REPS2: variants seen among roughly 807,000 people sequenced by gnomAD.
REPS2 encodes ralBP1-associated Eps domain-containing protein 2.
In REPS2, 23 loss-of-function variants were observed where a neutral mutation model predicts 53.6. That is an observed-to-expected ratio of 0.43 (90% confidence interval 0.31 to 0.61). The LOEUF is 0.61. Ranked by LOEUF, REPS2 falls within the 20% of genes least tolerant of loss-of-function variation. The pLI is 0.11. For synonymous variants in REPS2, 238 were observed against 218.6 expected (o/e 1.09, Z -0.78); for missense variants, 446 against 534.9 (o/e 0.83, Z 1.64).
chrX:17,171,066 C>T, the REPS2 span, among the ~76,000 whole-genome samples: 1 of 113,145 alleles, frequency 8.8e-6, no homozygotes, highest in East Asian at 2.8e-4. Context: ...AGACGCCCTG[C>T]TTACAGGTCC....
chrX:17,101,264 G>A (rs989391488), intron 13 of REPS2, among the ~76,000 whole-genome samples: 6 of 109,084 alleles, frequency 5.5e-5, no homozygotes, highest in Non-Finnish European at 1.1e-4. Context: ...GGGTTTCACT[G>A]TGTTAGCCAG....
chrX:17,018,409 G>C (rs915451599), intron 2 of REPS2, among the ~76,000 whole-genome samples: 2 of 109,467 alleles, frequency 1.8e-5, no homozygotes, highest in Non-Finnish European at 3.8e-5. Flanking sequence ...GGCTAGTCTT[G>C]AACTCCTGGC....
chrX:16,988,690 C>T (rs2061123037), intron 1 of REPS2, among the ~76,000 whole-genome samples: 1 of 110,183 alleles, frequency 9.1e-6, no homozygotes, highest in Non-Finnish European at 1.9e-5. Context: ...AACAAATGGA[C>T]ACTGAAATTA....
intron 14 of REPS2, among the ~76,000 whole-genome samples, chrX:17,121,717 C>CT (rs1245051273): frequency 1.4e-3 from 145 of 106,183 alleles, no homozygotes; most frequent in African/African-American, 3.6e-3. Context: ...ATTTTTAAAA[C>CT]TTTTTTTTTT....
At chrX:17,050,194 C>A (rs866368532) in intron 6 of REPS2, among the ~76,000 whole-genome samples, 1 of 51,796 alleles carries the variant, frequency 1.9e-5, no homozygotes, top group South Asian at 1.1e-3. Flanking sequence ...TTCTTTCTTT[C>A]TTTTTTTTTT....
chrX:17,011,054 A>T (rs2061422374), intron 2 of REPS2, among the ~76,000 whole-genome samples: 1 of 71,709 alleles, frequency 1.4e-5, no homozygotes, highest in Admixed American at 1.8e-4. Context: ...AGCTTTGCTT[A>T]AACTGTGTGT....
intron 1 of REPS2, among the ~76,000 whole-genome samples, chrX:16,952,149 A>T (rs1223029700): frequency 2.7e-5 from 3 of 111,331 alleles, no homozygotes. Context: ...ATAGGTATAT[A>T]TATGTGCCAT....
At chrX:17,089,105 A>G (rs925948946) in intron 13 of REPS2, among the ~76,000 whole-genome samples, 5 of 111,607 alleles carry the variant, frequency 4.5e-5, no homozygotes, top group Non-Finnish European at 9.4e-5. Context: ...GTTTCCTTCT[A>G]TGTGATTTAA....
At chrX:17,019,497 G>A (rs1448751918) in intron 2 of REPS2, among the ~76,000 whole-genome samples, 1 of 111,545 alleles carries the variant, frequency 9.0e-6, no homozygotes, top group Non-Finnish European at 1.9e-5. Flanking sequence ...TTTTTTCAAA[G>A]TTTCACTATT....
At chrX:17,121,052 TCAGACTTTA>T (rs1156619476) in intron 14 of REPS2, among the ~76,000 whole-genome samples, 3 of 111,930 alleles carry the variant, frequency 2.7e-5, no homozygotes, top group African/African-American at 9.7e-5. Context: ...GATCTGTCTT[TCAGACTTTA>T]CTAGCAAAAT....
intron 1 of REPS2, among the ~76,000 whole-genome samples, chrX:16,952,087 T>A (rs1017203685): frequency 2.7e-5 from 3 of 112,124 alleles, no homozygotes; most frequent in African/African-American, 9.7e-5. Flanking sequence ...ATTAATTTTT[T>A]AAATTATACT....
chrX:17,002,070 C>T (rs1271807902), intron 1 of REPS2, among the ~76,000 whole-genome samples: 1 of 111,362 alleles, frequency 9.0e-6, no homozygotes, highest in Non-Finnish European at 1.9e-5. Flanking sequence ...AAGTTGATTT[C>T]CTTGGGTGTG....
chrX:16,979,000 T>G (rs1194546566), intron 1 of REPS2, among the ~76,000 whole-genome samples: 1 of 112,194 alleles, frequency 8.9e-6, no homozygotes, highest in African/African-American at 3.2e-5. Flanking sequence ...TGTAAGTTAA[T>G]GAATGATCCA....
At chrX:17,062,758 ATGTGG>A (rs2062175112) in intron 9 of REPS2, among the ~76,000 whole-genome samples, 1 of 111,946 alleles carries the variant, frequency 8.9e-6, no homozygotes, top group African/African-American at 3.2e-5. Context: ...CTAAAACTGG[ATGTGG>A]TAAAGTAAGT....
chrX:16,953,923 A>G (rs2060557464), intron 1 of REPS2, among the ~76,000 whole-genome samples: 2 of 111,530 alleles, frequency 1.8e-5, no homozygotes, highest in Non-Finnish European at 3.8e-5. Flanking sequence ...GTTTGAGCTA[A>G]TTAATTGACT....
At chrX:17,164,687 A>G in the REPS2 span, among the ~76,000 whole-genome samples, 1 of 111,697 alleles carries the variant, frequency 9.0e-6, no homozygotes, top group Non-Finnish European at 1.9e-5. Flanking sequence ...GTACATACCT[A>G]CATTAAAAAG....
At chrX:16,948,515 C>A (rs967911843) in intron 1 of REPS2, among the ~76,000 whole-genome samples, 49 of 112,411 alleles carry the variant, frequency 4.4e-4, no homozygotes, top group African/African-American at 1.6e-3. Flanking sequence ...TACATTTATT[C>A]AGTGCTGTAG....
chrX:17,047,551 G>A (rs756921653), intron 6 of REPS2, 69 bp downstream of exon 6: 290 of 1,113,401 alleles, frequency 2.6e-4, no homozygotes, highest in Non-Finnish European at 3.4e-4. Flanking sequence ...AATCATTCAC[G>A]CAAAATGAGT....
At position 16,969,148 on chromosome X, in the gene REPS2, C is replaced by T. The variant is rs748652497; in HGVS notation, c.273+22014C>T. On this transcript the variant is annotated intron_variant, in intron 1 of 17. Transcript: ENST00000357277. ...CGATGGGCGGCCGGGCAGAGACGCT[C>T]CTCACTTCCTAGATGGGATGGCGGC... Among the ~76,000 whole-genome samples, 324 of 109,379 alleles carry T rather than the reference C, an allele frequency of 3.0e-3. 5 individuals carry two copies. Among genetic ancestry groups the T allele is most frequent in the Admixed American group, 0.026 (268 of 10,450 alleles). The allele number at this position is 109,379 out of a possible 115,157, so 95.0% of individuals were successfully genotyped here. A position where few individuals can be genotyped will look rare whatever the true frequency, so the allele number is the denominator to read the frequency against.
Sources: allele counts gnomAD v4.1 joint callset (sites outside exome capture counted in the v4.1 genomes callset), GRCh38; gene constraint gnomAD v4.1.1; transcripts MANE v1.5; gene names NCBI Gene and HGNC (gene_info 2026-07-23, HGNC 2026-07-21).